The following ZNF676 variants were observed in gnomAD, a reference collection of about 807,000 sequenced individuals.
ZNF676 encodes zinc finger protein 676.
In ZNF676, 4 loss-of-function variants were observed where a neutral mutation model predicts 6.0. The observed-to-expected ratio is 0.67, with a 90% CI of 0.33 to 1.53. The LOEUF (loss-of-function observed/expected upper bound fraction) is 1.53. Among genes scored for constraint, ZNF676 ranks in the 40% most tolerant of loss-of-function variants. The pLI, the probability that ZNF676 is intolerant of heterozygous loss-of-function variation, is 0.06. For missense variants in ZNF676, 644 were observed against 679.7 expected (o/e 0.95, Z 0.58); for synonymous variants, 198 against 223.1 (o/e 0.89, Z 1.00).
In ZNF676 at chr19:22,211,926, G is replaced by A. The variant is rs145861184; in HGVS notation, c.3+3706C>T. ...TAAAAAGCACACCTGAGGGCAGGGC[G>A]CAGTGGCTCACACCTGTAATCTCAG... is the stretch of plus-strand genomic sequence containing the variant. On this transcript the variant is annotated intron_variant, in intron 1 of 3. Transcript: ENST00000650058. 2.7e-3 allele frequency among the ~76,000 whole-genome samples: 412 copies of A among 152,112 alleles called. 3 individuals carry two copies. The highest frequency in any genetic ancestry group is 9.6e-3 in the African/African-American group (399 of 41,498).
At chr19:22,257,057 G>A in the ZNF676 span, among the ~76,000 whole-genome samples, 1 of 152,028 alleles carries the variant, frequency 6.6e-6, no homozygotes, top group Non-Finnish European at 1.5e-5. Context: ...TAACTCCTGA[G>A]GGAAGAGTCC....
At chr19:22,249,749 A>G in the ZNF676 span, among the ~76,000 whole-genome samples, 2 of 93,716 alleles carry the variant, frequency 2.1e-5, no homozygotes, top group African/African-American at 3.8e-5. Flanking sequence ...ACATTGGAAT[A>G]TAAGTACAAC....
chr19:22,196,873 C>G lies in ZNF676; in HGVS notation c.-240G>C. The G allele has an allele frequency of 2.6e-6, 2 of 771,992 alleles. No individual in the cohort carries two copies. Among genetic ancestry groups the G allele is most frequent in the Non-Finnish European group, 4.2e-6 (2 of 480,610 alleles). The allele number at this position is 771,992 out of a possible 1,614,324, so 47.8% of individuals were successfully genotyped here. On this transcript the variant is annotated 5_prime_UTR_variant, in exon 1 of 3. Transcript: ENST00000397121. ...TTATTCAATAAAATAGTTTTCAACA[C>G]AGAAATGTTCACTAATGTATTCTCT...
intron 1 of ZNF676, among the ~76,000 whole-genome samples, chr19:22,207,894 A>G (rs2024091628): frequency 6.6e-6 from 1 of 152,094 alleles, no homozygotes; most frequent in Non-Finnish European, 1.5e-5. Flanking sequence ...AGCACTATGT[A>G]GCAGACTGAA....
At chr19:22,230,170 A>G in the ZNF676 span, among the ~76,000 whole-genome samples, 2 of 152,214 alleles carry the variant, frequency 1.3e-5, no homozygotes, top group Non-Finnish European at 2.9e-5. Context: ...ATGCAGCCAT[A>G]AACAAGGATG....
At chr19:22,197,073 A>G, upstream of ZNF676, 1 of 223,118 alleles carries the variant, frequency 4.5e-6, no homozygotes. Context: ...CTGTAATCCC[A>G]GCACTTTGGG....
chr19:22,179,922 T>G lies in ZNF676; in HGVS notation c.*28A>C. On this transcript the variant is annotated 3_prime_UTR_variant, in exon 3 of 3. Transcript: ENST00000397121. ...TATGTTTACTAGACTGAGAATCAGC[T>G]GAAGGATTTACCACATTCTTCACAT... The G allele has an allele frequency of 6.2e-7, 1 of 1,602,968 alleles. No homozygotes were observed. The highest frequency in any genetic ancestry group is 8.5e-7 in the Non-Finnish European group (1 of 1,172,456).
intron 2 of ZNF676, among the ~76,000 whole-genome samples, chr19:22,182,132 G>C (rs2023764334): frequency 6.6e-6 from 1 of 151,942 alleles, no homozygotes; most frequent in African/African-American, 2.4e-5. Context: ...CACAGAGAGA[G>C]TACAGGTGTA....
rs2023711945 is a variant in ZNF676 at position 22,180,175 on chromosome 19, G to C, written c.1542C>G (p.Phe514Leu). The change falls in exon 3 of 3, where the codon TTC becomes TTG. Residue 514 changes from phenylalanine to leucine, a missense_variant. Physicochemically the swap from Phe to Leu is conservative, Grantham distance 22. Coordinates refer to ENST00000397121, the MANE Select transcript of ZNF676 (RefSeq NM_001001411.3). ...RYKCEECGKA[F>L]SWSSILTEHK... is the part of the protein sequence containing the mutation. ...GTTCAGTAAGGATCGAGGACCAGCT[G>C]AAGGCTTTGCCACATTCTTCACATT... The C allele has an allele frequency of 1.2e-6, 2 of 1,611,878 alleles. No homozygotes were observed. Among genetic ancestry groups the C allele is most frequent in the South Asian group, 2.2e-5 (2 of 90,904 alleles).
chr19:22,214,470 A>G (rs2024162941), intron 1 of ZNF676, among the ~76,000 whole-genome samples: 1 of 151,734 alleles, frequency 6.6e-6, no homozygotes. Context: ...CAAGTGGCAC[A>G]TGCCTGTAAT....
chr19:22,226,239 C>T, the ZNF676 span, among the ~76,000 whole-genome samples: 55,784 of 151,822 alleles, frequency 0.37, 10,499 homozygotes, highest in African/African-American at 0.42. Flanking sequence ...GGGTTCATTT[C>T]TGGGCTCTCT....
the ZNF676 span, among the ~76,000 whole-genome samples, chr19:22,224,994 CA>C: frequency 1.2e-4 from 17 of 146,718 alleles, no homozygotes; most frequent in South Asian, 2.2e-4. Flanking sequence ...GACCCTCTGT[CA>C]AAAAAAAAAG....
At chr19:22,231,293 GAC>G in the ZNF676 span, among the ~76,000 whole-genome samples, 1 of 151,518 alleles carries the variant, frequency 6.6e-6, no homozygotes, top group Non-Finnish European at 1.5e-5. Flanking sequence ...CACAAAGGAA[GAC>G]ACAGAGAGAA....
At chr19:22,181,656 C>A in intron 2 of ZNF676, 70 bp from the exon 3 acceptor site, 1 of 1,232,058 alleles carries the variant, frequency 8.1e-7, no homozygotes, top group Non-Finnish European at 1.1e-6. Context: ...CCAAATCTAA[C>A]CTATAAAATT....
intron 2 of ZNF676, among the ~76,000 whole-genome samples, chr19:22,189,023 CA>C (rs56866226): frequency 5.3e-5 from 8 of 149,990 alleles, no homozygotes; most frequent in South Asian, 2.1e-4. Context: ...CATATGGAAC[CA>C]AAAAAAAAAT....
chr19:22,193,241 T>C lies in ZNF676; in HGVS notation c.35-130A>G, dbSNP rs558242984. ...TATCCCAAAATACTAAATTATAACA[T>C]GTCTGTTGAAGAAAAACGTTATGTG... On this transcript the variant is annotated intron_variant, in intron 1 of 2. Coordinates refer to ENST00000397121, the MANE Select transcript of ZNF676 (RefSeq NM_001001411.3). 4.8e-4 allele frequency: 532 copies of C among 1,100,184 alleles called. 1 individual carries two copies. Among genetic ancestry groups the C allele is most frequent in the Non-Finnish European group, 6.2e-4 (516 of 835,632 alleles). 68.2% of individuals were successfully genotyped at this position (1,100,184 alleles called of 1,614,324 possible). A position where few individuals can be genotyped will look rare whatever the true frequency, so the allele number is the denominator to read the frequency against.
intron 2 of ZNF676, among the ~76,000 whole-genome samples, chr19:22,185,586 A>C (rs1167178225): frequency 6.6e-6 from 1 of 152,192 alleles, no homozygotes; most frequent in African/African-American, 2.4e-5. Context: ...AACTCCTCCA[A>C]GCTAAAGGAG....
chr19:22,212,023 C>A (rs1447859314), intron 1 of ZNF676, among the ~76,000 whole-genome samples: 1 of 150,952 alleles, frequency 6.6e-6, no homozygotes, highest in African/African-American at 2.4e-5. Context: ...CATGGTGAAA[C>A]ACCGTCTCTA....
Position 22,196,581 on chromosome 19 carries a change from G to C in ZNF676, c.34+19C>G, listed in dbSNP as rs377158192. The C allele has an allele frequency of 1.7e-4, 273 of 1,613,354 alleles. 1 individual carries two copies. Among genetic ancestry groups the C allele is most frequent in the Non-Finnish European group, 1.9e-5 (23 of 1,179,532 alleles). Reference sequence around the variant, plus strand: ...ACCTGTAGTATATACTAGGAATTGCGTATTAAAGTTATTCTCACCCAGGAA... The same window carrying C: ...ACCTGTAGTATATACTAGGAATTGCCTATTAAAGTTATTCTCACCCAGGAA... On this transcript the variant is annotated intron_variant, in intron 1 of 2. Coordinates refer to ENST00000397121, the MANE Select transcript of ZNF676 (RefSeq NM_001001411.3).
Sources: allele counts gnomAD v4.1 joint callset (sites outside exome capture counted in the v4.1 genomes callset), GRCh38; gene constraint gnomAD v4.1.1; transcripts MANE v1.5; gene names NCBI Gene and HGNC (gene_info 2026-07-23, HGNC 2026-07-21).